The following RIPK4 variants were observed in gnomAD, a reference collection of about 807,000 sequenced individuals.
The protein encoded by RIPK4 is receptor interacting serine/threonine kinase 4.
A neutral mutation model predicts 42.9 loss-of-function variants in RIPK4; 17 were observed. The observed-to-expected ratio is 0.40, with a 90% CI of 0.27 to 0.59. The LOEUF (loss-of-function observed/expected upper bound fraction) is 0.59. RIPK4 is among the 20% of genes least tolerant of loss of function. The pLI, the probability that RIPK4 is intolerant of heterozygous loss-of-function variation, is 0.47. For missense variants in RIPK4, 897 were observed against 1,104.4 expected, an observed-to-expected ratio of 0.81 and a Z score of 2.66; for synonymous variants, 498 against 499.1, an observed-to-expected ratio of 1.00 and a Z score of 0.03.
intron 1 of RIPK4, among the ~76,000 whole-genome samples, chr21:41,761,718 C>T (rs1026880758): frequency 1.3e-5 from 2 of 152,228 alleles, no homozygotes; most frequent in African/African-American, 2.4e-5. Context: ...ATAATAAACA[C>T]GTATTCTGAG....
intron 1 of RIPK4, among the ~76,000 whole-genome samples, chr21:41,760,910 G>A (rs749495195): frequency 4.6e-5 from 7 of 152,316 alleles, no homozygotes; most frequent in Non-Finnish European, 8.8e-5. Context: ...CTTTCCTAGC[G>A]CTCTGGTTAA....
intron 1 of RIPK4, among the ~76,000 whole-genome samples, chr21:41,759,889 G>A (rs528490792): frequency 4.6e-5 from 7 of 152,246 alleles, no homozygotes; most frequent in East Asian, 1.9e-4. Context: ...CCCATACATC[G>A]GACAGGTACC....
rs142057168 is a variant in RIPK4 at position 41,761,526 on chromosome 21, G to C, written c.183-4710C>G. On this transcript the variant is annotated intron_variant, in intron 1 of 7. Coordinates refer to ENST00000332512, the MANE Select transcript of RIPK4 (RefSeq NM_020639.3). ...GGACACTCTGCCCCGGGGCGCTGGC[G>C]AAAGTCCTTCCGTAGGACTCAGACC... Among the ~76,000 whole-genome samples, 566 of 152,306 alleles carry C rather than the reference G, an allele frequency of 3.7e-3. 5 individuals carry two copies. Among genetic ancestry groups the C allele is most frequent in the African/African-American group, 0.013 (542 of 41,584 alleles).
At chr21:41,763,713 T>G (rs1368362054) in intron 1 of RIPK4, among the ~76,000 whole-genome samples, 1 of 152,176 alleles carries the variant, frequency 6.6e-6, no homozygotes, top group Non-Finnish European at 1.5e-5. Context: ...CGGCTATTTT[T>G]AAAACTGACA....
intron 6 of RIPK4, among the ~76,000 whole-genome samples, chr21:41,744,748 C>T (rs1463210665): frequency 2.0e-5 from 3 of 152,108 alleles, no homozygotes; most frequent in East Asian, 1.9e-4. Context: ...GCCACAACTG[C>T]GACCTCCCCG....
chr21:41,743,758 A>G, intron 7 of RIPK4, 124 bp downstream of exon 7: 2 of 1,265,974 alleles, frequency 1.6e-6, no homozygotes, highest in African/African-American at 1.5e-5. Flanking sequence ...CAGAGAGAAC[A>G]CAAAGAAGAA....
At chr21:41,749,606 C>T (rs2061182310) in intron 3 of RIPK4, among the ~76,000 whole-genome samples, 1 of 152,148 alleles carries the variant, frequency 6.6e-6, no homozygotes. Context: ...TGGGCAACTC[C>T]CATGCCCTCC....
intron 4 of RIPK4, among the ~76,000 whole-genome samples, chr21:41,748,181 T>C (rs2061177614): frequency 6.6e-6 from 1 of 152,228 alleles, no homozygotes; most frequent in Admixed American, 6.5e-5. Context: ...CTGTGCTTTC[T>C]ACTGACATTC....
At position 41,755,440 on chromosome 21, in the gene RIPK4, C is replaced by T. The variant is rs1472945432; in HGVS notation, c.474+1085G>A. 3.3e-5 allele frequency among the ~76,000 whole-genome samples: 5 copies of T among 152,198 alleles called. No individual in the cohort carries two copies. The highest frequency in any genetic ancestry group is 2.1e-4 in the South Asian group (1 of 4,830). ...GCAGAGTCTGGGCACAGGGAGCGGCCGTGCGCATGCCATACGAGCCACCGC... is the reference window on the plus strand; with the variant it reads ...GCAGAGTCTGGGCACAGGGAGCGGCTGTGCGCATGCCATACGAGCCACCGC... On this transcript the variant is annotated intron_variant, in intron 2 of 7. Coordinates refer to ENST00000332512, the MANE Select transcript of RIPK4 (RefSeq NM_020639.3). The surrounding 1 kb of genome is among the most constrained non-coding windows in gnomAD (Gnocchi z 4.2).
At chr21:41,747,683 G>C (rs1192259063) in intron 4 of RIPK4, among the ~76,000 whole-genome samples, 5 of 152,130 alleles carry the variant, frequency 3.3e-5, no homozygotes, top group African/African-American at 1.2e-4. Flanking sequence ...TAAGTGTTTA[G>C]CAGGCTATTT....
In RIPK4 at chr21:41,756,771, G is replaced by C. The variant is rs772041023; in HGVS notation, c.228C>G (p.Ala76=). 1.9e-6 allele frequency: 3 copies of C among 1,614,092 alleles called. No individual in the cohort carries two copies. In the Admixed American group the frequency reaches 5.0e-5, roughly 27 times the overall value. Residue 76 remains alanine (A), a synonymous_variant, in exon 2 of 8, where the codon GCC becomes GCG. Coordinates refer to ENST00000332512, the MANE Select transcript of RIPK4 (RefSeq NM_020639.3). Reference sequence around the variant, plus strand: ...ACACAGGCAGGATGTAGCGAAACTTGGCCATCTCCATCTTCTTGGCTTCTT... The same window carrying C: ...ACACAGGCAGGATGTAGCGAAACTTCGCCATCTCCATCTTCTTGGCTTCTT... The part of the protein sequence containing the change: ...LLEEAKKMEM[A]KFRYILPVYG...
chr21:41,745,728 A>G, intron 6 of RIPK4, 31 bp downstream of exon 6: 2 of 1,553,010 alleles, frequency 1.3e-6, no homozygotes, highest in Non-Finnish European at 1.8e-6. Flanking sequence ...AGCCGAGGAG[A>G]CAAAAGACCC....
At chr21:41,746,986 G>A (rs953070177) in intron 4 of RIPK4, 22 of 576,500 alleles carry the variant, frequency 3.8e-5, no homozygotes, top group Non-Finnish European at 6.3e-5. Context: ...TTTTGAAATC[G>A]ACCTCTTTCC....
intron 6 of RIPK4, among the ~76,000 whole-genome samples, chr21:41,744,382 A>C (rs1569100549): frequency 6.6e-6 from 1 of 150,794 alleles, no homozygotes; most frequent in Non-Finnish European, 1.5e-5. Context: ...CCGCGCCCGC[A>C]CAGTGCCGGG....
intron 5 of RIPK4, 129 bp downstream of exon 5, chr21:41,746,484 G>A: frequency 8.8e-7 from 1 of 1,133,060 alleles, no homozygotes. Context: ...ATCTGTGCAG[G>A]GCTCATTTCG....
At chr21:41,744,626 TG>T (rs1387338923) in intron 6 of RIPK4, among the ~76,000 whole-genome samples, 2 of 152,026 alleles carry the variant, frequency 1.3e-5, no homozygotes, top group Non-Finnish European at 2.9e-5. Flanking sequence ...AGGCAGGCGG[TG>T]TCAAGCTGCA....
intron 2 of RIPK4, among the ~76,000 whole-genome samples, chr21:41,754,692 C>CCTGTGTGAAGG (rs2061197875): frequency 6.6e-6 from 1 of 152,220 alleles, no homozygotes; most frequent in African/African-American, 2.4e-5. Context: ...GGCAGAAAAG[C>CCTGTGTGAAGG]CCCACCCTGT....
chr21:41,743,342 G>T (rs1037267038), intron 7 of RIPK4, among the ~76,000 whole-genome samples: 3 of 152,234 alleles, frequency 2.0e-5, no homozygotes, highest in Non-Finnish European at 4.4e-5. Context: ...AACATAAAAA[G>T]ATGAGATTAG....
Position 41,755,498 on chromosome 21 carries a change from C to A in RIPK4, c.474+1027G>T, listed in dbSNP as rs750408005. On this transcript the variant is annotated intron_variant, in intron 2 of 7. Coordinates refer to ENST00000332512, the MANE Select transcript of RIPK4 (RefSeq NM_020639.3). This position sits in a 1 kb window ranked among gnomAD's most constrained non-coding sequence, Gnocchi z 4.2. ...CCACCCAAGAGCTCAGGGGCAGGGC[C>A]GGGCCCTGAATTCAGGTCTCTCCTA... 6.6e-6 allele frequency among the ~76,000 whole-genome samples: 1 copy of A among 152,176 alleles called. No homozygotes were observed. The highest frequency in any genetic ancestry group is 1.5e-5 in the Non-Finnish European group (1 of 68,032).
Sources: gnomAD v4.1 joint callset for allele counts (sites outside exome capture counted in the v4.1 genomes callset) on GRCh38, gnomAD v4.1.1 for gene constraint, Gnocchi (gnomAD v3.1) non-coding constraint, MANE v1.5 for transcripts, NCBI Gene and HGNC (gene_info 2026-07-23, HGNC 2026-07-21) for gene names.